FER: variants seen among roughly 807,000 people sequenced by gnomAD.
FER encodes the protein FER tyrosine kinase.
Under a neutral mutation model 111.0 loss-of-function variants are expected in FER, and 63 were observed. The observed-to-expected ratio is 0.57, with a 90% CI of 0.46 to 0.70. FER has a LOEUF of 0.70. Ranked by LOEUF, FER falls within the 30% of genes least tolerant of loss-of-function variation. FER has a pLI of 0.00. For missense variants in FER, 914 were observed against 954.0 expected (o/e 0.96, Z 0.55); for synonymous variants, 327 against 313.9 (o/e 1.04, Z -0.44).
chr5:108,859,019 T>G lies in FER; in HGVS notation c.482-8748T>G, dbSNP rs368831049. Among the ~76,000 whole-genome samples the G allele has an allele frequency of 2.6e-5, 4 of 152,110 alleles. No homozygotes were observed. The East Asian group carries it at 7.7e-4, about 29-fold the overall frequency. ...AAAGTGTGATATAAATTCCAAGAAG[T>G]GTGATGGCTGGGTTAAAAGGTATAC... is the stretch of plus-strand genomic sequence containing the variant. On this transcript the variant is annotated intron_variant, in intron 5 of 19. Transcript: ENST00000281092.
intron 11 of FER, 48 bp downstream of exon 11, chr5:108,946,270 C>T: frequency 7.8e-7 from 1 of 1,286,296 alleles, no homozygotes; most frequent in Non-Finnish European, 1.1e-6. Flanking sequence ...CATTGTCTAG[C>T]TTCTTTCTGA....
At chr5:108,980,657 G>A (rs902350486) in intron 13 of FER, among the ~76,000 whole-genome samples, 19 of 152,122 alleles carry the variant, frequency 1.2e-4, no homozygotes, top group Non-Finnish European at 1.6e-4. Flanking sequence ...GCATTTAGAA[G>A]TCATAATGAA....
At chr5:108,799,150 TA>T (rs1195218863) in intron 3 of FER, among the ~76,000 whole-genome samples, 1 of 152,224 alleles carries the variant, frequency 6.6e-6, no homozygotes, top group Non-Finnish European at 1.5e-5. Context: ...TAGTCACTCT[TA>T]AAACATCCAT....
chr5:108,924,637 A>G, intron 10 of FER: 1 of 1,231,812 alleles, frequency 8.1e-7, no homozygotes, highest in Non-Finnish European at 1.0e-6. Context: ...GCCCACTGTC[A>G]CTATCTCTTA....
chr5:108,984,039 C>G (rs992375223), intron 13 of FER, among the ~76,000 whole-genome samples: 11 of 152,060 alleles, frequency 7.2e-5, no homozygotes, highest in South Asian at 2.1e-4. Context: ...AGACACGGTG[C>G]CTACTCTTCT....
intron 10 of FER, among the ~76,000 whole-genome samples, chr5:108,939,743 C>A (rs939114620): frequency 2.6e-5 from 4 of 151,930 alleles, no homozygotes; most frequent in African/African-American, 4.8e-5. Flanking sequence ...TTTATTAAAT[C>A]TTAGGATTTT....
intron 16 of FER, among the ~76,000 whole-genome samples, chr5:109,092,663 C>T (rs1004790641): frequency 5.3e-5 from 8 of 151,964 alleles, no homozygotes; most frequent in Admixed American, 6.6e-5. Context: ...CCGTTATAAT[C>T]GTGAAAAAGT....
At chr5:109,050,762 C>G (rs1772678471) in intron 16 of FER, among the ~76,000 whole-genome samples, 1 of 152,146 alleles carries the variant, frequency 6.6e-6, no homozygotes, top group Admixed American at 6.5e-5. Flanking sequence ...TATAGTAGCA[C>G]AAGTCCATTG....
In FER at chr5:109,187,555, A is replaced by T. The variant is rs1759022295; in HGVS notation, c.2449A>T (p.Ile817Phe). The T allele has an allele frequency of 1.2e-6, 2 of 1,614,144 alleles. No homozygotes were observed. The highest frequency in any genetic ancestry group is 4.5e-5 in the East Asian group (2 of 44,874). ...TGAACTTCAGAAAGAGCTCACTATCATCAAGAGAAAACTCACATAGTGACA... is the reference window on the plus strand; with the variant it reads ...TGAACTTCAGAAAGAGCTCACTATCTTCAAGAGAAAACTCACATAGTGACA... Reference protein sequence around the residue: ...FSELQKELTIIKRKLT With the variant: ...FSELQKELTIFKRKLT Residue 817 changes from isoleucine to phenylalanine, a missense_variant, in exon 20 of 20, where the codon ATC becomes TTC. Coordinates refer to ENST00000281092, the MANE Select transcript of FER (RefSeq NM_005246.4).
rs527991740 is a variant in FER, at chr5:109,095,799, T to A, written c.1925-4597T>A. Among the ~76,000 whole-genome samples the A allele has an allele frequency of 1.3e-4, 20 of 152,246 alleles. No homozygotes were observed. In the South Asian group the frequency reaches 3.9e-3, roughly 30 times the overall value. ...TAAATGGACCCCCAAAATAGTTCTC[T>A]ATGATTTAGTATTTGCCTTGATTAC... On this transcript the variant is annotated intron_variant, in intron 16 of 19. Coordinates refer to ENST00000281092, the MANE Select transcript of FER (RefSeq NM_005246.4).
intron 4 of FER, 141 bp from the exon 5 acceptor site, chr5:108,835,567 A>G (rs1293293074): frequency 2.2e-6 from 1 of 457,272 alleles, no homozygotes; most frequent in Non-Finnish European, 4.0e-6. Context: ...CTTGTAGTTT[A>G]TTTTCTATAG....
chr5:108,985,722 A>C (rs1158533204), intron 13 of FER, among the ~76,000 whole-genome samples: 1 of 152,190 alleles, frequency 6.6e-6, no homozygotes, highest in Non-Finnish European at 1.5e-5. Context: ...TTCACTTAGA[A>C]TAATGGTCCC....
intron 16 of FER, among the ~76,000 whole-genome samples, chr5:109,067,237 TTG>T (rs1775205161): frequency 6.6e-6 from 1 of 151,006 alleles, no homozygotes; most frequent in African/African-American, 2.4e-5. Flanking sequence ...TTTGTTGTTG[TTG>T]TTGTTGTTGT....
rs146044827 is a variant in FER at position 109,021,602 on chromosome 5, T to A, written c.1657-15820T>A. Among the ~76,000 whole-genome samples the A allele has an allele frequency of 1.7e-3, 264 of 152,218 alleles. 1 individual carries two copies. The highest frequency in any genetic ancestry group is 5.5e-3 in the African/African-American group (228 of 41,558). On this transcript the variant is annotated intron_variant, in intron 13 of 19. Coordinates refer to ENST00000281092, the MANE Select transcript of FER (RefSeq NM_005246.4). Reference sequence around the variant, plus strand: ...TAGCTTTTAGTTTATAATGAAGGATTCTTAGTGCTTATCTTAGTACTTTAT... The same window carrying A: ...TAGCTTTTAGTTTATAATGAAGGATACTTAGTGCTTATCTTAGTACTTTAT...
intron 10 of FER, among the ~76,000 whole-genome samples, chr5:108,899,558 G>A (rs1178555456): frequency 6.6e-6 from 1 of 152,018 alleles, no homozygotes; most frequent in Non-Finnish European, 1.5e-5. Flanking sequence ...CAGCACCTTG[G>A]GAGGCCGAGG....
intron 13 of FER, among the ~76,000 whole-genome samples, chr5:108,962,691 C>A (rs1268628886): frequency 6.6e-6 from 1 of 152,174 alleles, no homozygotes. Context: ...TTTTTATACA[C>A]ATTATCTCAT....
At chr5:109,000,819 G>A (rs546598131) in intron 13 of FER, among the ~76,000 whole-genome samples, 2 of 152,136 alleles carry the variant, frequency 1.3e-5, no homozygotes, top group South Asian at 4.1e-4. Context: ...TGACAAAAGG[G>A]ATATCACCAC....
intron 13 of FER, among the ~76,000 whole-genome samples, chr5:109,031,003 C>T (rs1326695065): frequency 6.6e-6 from 1 of 151,938 alleles, no homozygotes; most frequent in South Asian, 2.1e-4. Flanking sequence ...GTGGGCCATC[C>T]CAGTATTTCT....
chr5:109,147,333 G>C (rs1239445928), intron 17 of FER, among the ~76,000 whole-genome samples: 2 of 151,584 alleles, frequency 1.3e-5, no homozygotes, highest in East Asian at 3.9e-4. Flanking sequence ...CCGGCAGTGG[G>C]GGTGTAAATT....
Sources: allele counts gnomAD v4.1 joint callset (sites outside exome capture counted in the v4.1 genomes callset), GRCh38; gene constraint gnomAD v4.1.1; transcripts MANE v1.5; gene names NCBI Gene and HGNC (gene_info 2026-07-23, HGNC 2026-07-21).